Variants in C12orf60 observed in about 807,000 individuals in gnomAD.
C12orf60 encodes the protein uncharacterized protein C12orf60.
For missense variants in C12orf60, 284 were observed against 283.2 expected, an observed-to-expected ratio of 1.00 and a Z score of -0.02; for synonymous variants, 102 against 94.6, an observed-to-expected ratio of 1.08 and a Z score of -0.45.
chr12:14,808,946 C>T (rs1950095726), intron 1 of C12orf60, among the ~76,000 whole-genome samples: 1 of 152,182 alleles, frequency 6.6e-6, no homozygotes, highest in African/African-American at 2.4e-5. Flanking sequence ...TTGCTAAGCA[C>T]AGATTTGGAC....
chr12:14,823,033 T>C lies in C12orf60; in HGVS notation c.98T>C (p.Leu33Pro). The C allele has an allele frequency of 1.9e-6, 3 of 1,613,976 alleles. No individual in the cohort carries two copies. The highest frequency in any genetic ancestry group is 1.7e-6 in the Non-Finnish European group (2 of 1,179,828). The change falls in exon 2 of 2, where the codon CTG (leucine) becomes CCG (proline). Residue 33 changes from leucine to proline, a missense_variant. Transcript: ENST00000330828. ...GATCTTGCTTCTGTCATAAACACAC[T>C]GACTGAATTGTTTAGCCGCAGTATG... ...VQDLASVINT[L>P]TELFSRSMNT...
chr12:14,806,548 T>C, intron 1 of C12orf60: 2 of 1,614,146 alleles, frequency 1.2e-6, no homozygotes, highest in Non-Finnish European at 1.7e-6. Flanking sequence ...CCCAAGTGCA[T>C]ATTTAGAACC....
rs372866941 is a variant in C12orf60 at position 14,806,001 on chromosome 12, G to A, written c.-25+2250G>A. The stretch of plus-strand genomic sequence containing the variant: ...CACTTCAGTGGCAAATAAAACGGCT[G>A]TTCATTTCATTTGGTGTTTCACTGT... On this transcript the variant is annotated intron_variant, in intron 1 of 1. Transcript: ENST00000330828. 15 of 1,596,612 alleles carry A rather than the reference G, an allele frequency of 9.4e-6. No individual in the cohort carries two copies. In the African/African-American group the frequency reaches 2.0e-4, roughly 21 times the overall value.
At chr12:14,819,202 T>G (rs956125272) in intron 1 of C12orf60, among the ~76,000 whole-genome samples, 1 of 152,170 alleles carries the variant, frequency 6.6e-6, no homozygotes, top group African/African-American at 2.4e-5. Flanking sequence ...TTTCTTTGAT[T>G]TTTTTTACTT....
Position 14,806,290 on chromosome 12 carries a change from C to T in C12orf60, c.-25+2539C>T, listed in dbSNP as rs1409813402. ...TTTGAGCCCACAAGTTTAACAGCGACTGCACTGGCTGCAGATGTAGCTTCT... is the reference window on the plus strand; with the variant it reads ...TTTGAGCCCACAAGTTTAACAGCGATTGCACTGGCTGCAGATGTAGCTTCT... On this transcript the variant is annotated intron_variant, in intron 1 of 1. Transcript: ENST00000330828. The T allele has an allele frequency of 2.5e-6, 4 of 1,614,252 alleles. No homozygotes were observed. In the Admixed American group the frequency reaches 5.0e-5, roughly 20 times the overall value.
chr12:14,808,534 A>ATTTC (rs1950089616), intron 1 of C12orf60, among the ~76,000 whole-genome samples: 1 of 152,148 alleles, frequency 6.6e-6, no homozygotes, highest in Non-Finnish European at 1.5e-5. Flanking sequence ...CTTAAGGGGA[A>ATTTC]CCTCAGAAGT....
intron 1 of C12orf60, among the ~76,000 whole-genome samples, chr12:14,818,160 G>T (rs1950252142): frequency 6.6e-6 from 1 of 152,050 alleles, no homozygotes; most frequent in African/African-American, 2.4e-5. Flanking sequence ...CATATCCTTT[G>T]CCCATTTTTT....
intron 1 of C12orf60, among the ~76,000 whole-genome samples, chr12:14,803,976 A>G (rs1171658954): frequency 1.3e-5 from 2 of 152,056 alleles, no homozygotes; most frequent in Admixed American, 1.3e-4. Context: ...AGCGCCTAGT[A>G]CGTGTGGAAA....
chr12:14,821,236 T>C (rs1435196221), intron 1 of C12orf60, among the ~76,000 whole-genome samples: 1 of 152,228 alleles, frequency 6.6e-6, no homozygotes, highest in Non-Finnish European at 1.5e-5. Flanking sequence ...ATTTGCCTAT[T>C]GACGAAAATC....
At chr12:14,822,862 T>C in intron 1 of C12orf60, 50 bp from the exon 2 acceptor site, 3 of 1,455,764 alleles carry the variant, frequency 2.1e-6, no homozygotes, top group Admixed American at 4.7e-5. Context: ...TTCTTTATGG[T>C]TGCCAAATCG....
At chr12:14,804,247 C>T (rs1045982173) in intron 1 of C12orf60, among the ~76,000 whole-genome samples, 2 of 152,208 alleles carry the variant, frequency 1.3e-5, no homozygotes, top group Non-Finnish European at 2.9e-5. Context: ...GGATTCTTCA[C>T]TTAACTCTAG....
chr12:14,806,187 A>G (rs779977624), intron 1 of C12orf60: 5 of 1,614,086 alleles, frequency 3.1e-6, no homozygotes, highest in Non-Finnish European at 4.2e-6. Flanking sequence ...AAGAACAGCA[A>G]CTCCAATACT....
chr12:14,823,199 C>T lies in C12orf60; in HGVS notation c.264C>T (p.Ser88=). 5 of 1,614,012 alleles carry T rather than the reference C, an allele frequency of 3.1e-6. No homozygotes were observed. The highest frequency in any genetic ancestry group is 4.2e-6 in the Non-Finnish European group (5 of 1,179,990). Residue 88 remains serine (S), a synonymous_variant, in exon 2 of 2, where the codon TCC becomes TCT. Transcript: ENST00000330828. ...AAATTCAAAAGGAGTCTTTATGTTC[C>T]AAGGTTGCAATGGCCATGTGCTCTG... is the stretch of plus-strand genomic sequence containing the variant. ...HDKIQKESLC[S]KVAMAMCSVV... is the part of the protein sequence containing the mutation.
In C12orf60 at chr12:14,823,385, T is replaced by A. The variant is rs745781749; in HGVS notation, c.450T>A (p.Asn150Lys). 1.2e-6 allele frequency: 2 copies of A among 1,614,080 alleles called. No individual in the cohort carries two copies. The highest frequency in any genetic ancestry group is 2.7e-5 in the African/African-American group (2 of 75,028). ...ACTTGATGAAATTCCCCATCATGAA[T>A]CTTCAATTAAGTGACTTCTATACAG... ...LSHLMKFPIM[N>K]LQLSDFYTED... Residue 150 changes from asparagine (N) to lysine (K), a missense_variant, in exon 2 of 2, where the codon AAT becomes AAA. Asn to Lys is a moderately conservative substitution (Grantham distance 94, BLOSUM62 0). Transcript: ENST00000330828.
intron 1 of C12orf60, among the ~76,000 whole-genome samples, chr12:14,811,931 GT>G (rs1950145997): frequency 6.6e-6 from 1 of 152,148 alleles, no homozygotes; most frequent in Admixed American, 6.5e-5. Context: ...AAAGTGAACG[GT>G]TTGGTAAAAC....
intron 1 of C12orf60, among the ~76,000 whole-genome samples, chr12:14,822,437 T>C (rs1319230251): frequency 6.6e-6 from 1 of 152,156 alleles, no homozygotes; most frequent in Non-Finnish European, 1.5e-5. Flanking sequence ...TGGCCTTCTG[T>C]CATCCACCTT....
In C12orf60 at chr12:14,824,210, C is replaced by A. The variant is rs891167843; in HGVS notation, c.*537C>A. On this transcript the variant is annotated 3_prime_UTR_variant, in exon 2 of 2. Transcript: ENST00000330828. ...AGTGAATGAGCAATAATAGACTTTT[C>A]TTGCTTATGTGAGTAAGACCAGAAC... 6.6e-6 allele frequency: 1 copy of A among 152,252 alleles called. No homozygotes were observed. Among genetic ancestry groups the A allele is most frequent in the Non-Finnish European group, 1.5e-5 (1 of 68,100 alleles). The allele number at this position is 152,252 out of a possible 1,614,324, so 9.4% of individuals were successfully genotyped here.
intron 1 of C12orf60, among the ~76,000 whole-genome samples, chr12:14,817,471 C>T (rs193165532): frequency 2.9e-4 from 44 of 152,156 alleles, no homozygotes; most frequent in African/African-American, 1.0e-3. Flanking sequence ...CCTTTAAGTT[C>T]CCTCCCCTCG....
Position 14,823,589 on chromosome 12 carries a change from G to A in C12orf60, c.654G>A (p.Met218Ile). 1 of 1,612,106 alleles carries A rather than the reference G, an allele frequency of 6.2e-7. No homozygotes were observed. The highest frequency in any genetic ancestry group is 8.5e-7 in the Non-Finnish European group (1 of 1,179,474). Residue 218 changes from methionine to isoleucine, a missense_variant, in exon 2 of 2, where the codon ATG becomes ATA. Coordinates refer to ENST00000330828, the MANE Select transcript of C12orf60 (RefSeq NM_175874.4). ...ADLLEQIVKA[M>I]GPILEILQKA... is the part of the protein sequence containing the mutation. ...TGTTGGAACAAATTGTCAAGGCTAT[G>A]GGACCAATCTTAGAGATCCTCCAAA...
Sources: allele counts gnomAD v4.1 joint callset (sites outside exome capture counted in the v4.1 genomes callset), GRCh38; gene constraint gnomAD v4.1.1; transcripts MANE v1.5; gene names NCBI Gene and HGNC (gene_info 2026-07-23, HGNC 2026-07-21).